The following SWT1 variants were observed in gnomAD, a reference collection of about 807,000 sequenced individuals.
SWT1 encodes the protein SWT1 RNA endoribonuclease homolog.
Under a neutral mutation model 107.3 loss-of-function variants are expected in SWT1, and 33 were observed. The observed-to-expected ratio is 0.31, with a 90% confidence interval of 0.23 to 0.41. The LOEUF is 0.41. SWT1 is among the 10% of genes least tolerant of loss of function. The probability of loss-of-function intolerance (pLI) is 1.00; values close to 1 mark genes in which losing one functional copy is unlikely to be tolerated. For missense variants in SWT1, 898 were observed against 1,028.9 expected (o/e 0.87, Z 1.74); for synonymous variants, 345 against 348.3 (o/e 0.99, Z 0.11).
At chr1:185,233,190 A>G (rs1405032070) in intron 16 of SWT1, among the ~76,000 whole-genome samples, 1 of 152,154 alleles carries the variant, frequency 6.6e-6, no homozygotes, top group African/African-American at 2.4e-5. Context: ...TCTCAGCCCT[A>G]GTGGCAGACT....
chr1:185,200,821 A>G (rs1382039671), intron 10 of SWT1, among the ~76,000 whole-genome samples: 6 of 152,150 alleles, frequency 3.9e-5, no homozygotes, highest in Admixed American at 1.3e-4. Context: ...GCAGGCAGGA[A>G]CGTTTAAGTC....
chr1:185,282,571 A>C (rs1460530154), intron 18 of SWT1, among the ~76,000 whole-genome samples: 1 of 152,140 alleles, frequency 6.6e-6, no homozygotes, highest in Non-Finnish European at 1.5e-5. Context: ...GAGCTGTCCT[A>C]GCAGACTACA....
chr1:185,157,909 C>G (rs1182843706), intron 1 of SWT1, among the ~76,000 whole-genome samples: 1 of 152,166 alleles, frequency 6.6e-6, no homozygotes, highest in East Asian at 1.9e-4. Flanking sequence ...CCCCTTCACT[C>G]TTAGTGCCTA....
chr1:185,200,439 C>T (rs760320845), intron 10 of SWT1, among the ~76,000 whole-genome samples: 10 of 152,082 alleles, frequency 6.6e-5, no homozygotes, highest in East Asian at 5.8e-4. Context: ...TCTGTGTGGA[C>T]GCCATTTTTG....
intron 16 of SWT1, among the ~76,000 whole-genome samples, chr1:185,248,984 G>GT (rs961330882): frequency 1.3e-5 from 2 of 152,078 alleles, no homozygotes; most frequent in Non-Finnish European, 2.9e-5. Flanking sequence ...CCAATTATTT[G>GT]TTTTTTGTAA....
At chr1:185,246,921 G>A (rs1009341776) in intron 16 of SWT1, among the ~76,000 whole-genome samples, 1 of 152,070 alleles carries the variant, frequency 6.6e-6, no homozygotes, top group African/African-American at 2.4e-5. Context: ...GAGCCACCAT[G>A]CCTGACCAGG....
intron 15 of SWT1, among the ~76,000 whole-genome samples, chr1:185,222,698 G>A (rs571144485): frequency 1.2e-3 from 178 of 149,140 alleles, no homozygotes; most frequent in Non-Finnish European, 2.1e-3. Context: ...CTGGAAGGTG[G>A]AGGTTGCGGT....
At position 185,204,824 on chromosome 1, in the gene SWT1, A is replaced by G; in HGVS notation, c.1794A>G (p.Glu598=). Residue 598 remains glutamate, a synonymous_variant, in exon 12 of 19, where the codon GAA becomes GAG. Transcript: ENST00000367500. ...SLGTGLSSIL[E]TEMKIAFGNL... is the part of the protein sequence containing the mutation. Reference sequence around the variant, plus strand: ...GAACAGGTTTATCTTCAATATTAGAAACAGAAATGAAAATTGCTTTTGGAA... The same window carrying G: ...GAACAGGTTTATCTTCAATATTAGAGACAGAAATGAAAATTGCTTTTGGAA... 1 of 1,585,256 alleles carries G rather than the reference A, an allele frequency of 6.3e-7. No individual in the cohort carries two copies.
chr1:185,206,588 A>C (rs767782796), intron 12 of SWT1, 37 bp from the exon 13 acceptor site: 1 of 1,295,078 alleles, frequency 7.7e-7, no homozygotes, highest in Admixed American at 2.7e-5. Flanking sequence ...GGAATAATAA[A>C]TCTAGAGATG....
chr1:185,171,663 T>C (rs146160289), intron 4 of SWT1: 2 of 523,456 alleles, frequency 3.8e-6, no homozygotes, highest in Admixed American at 2.0e-5. Flanking sequence ...AGAACCTGCT[T>C]CTTTTTTTTT....
At chr1:185,290,565 T>C (rs1027590490) in intron 18 of SWT1, 109 bp from the exon 19 acceptor site, 8 of 663,718 alleles carry the variant, frequency 1.2e-5, no homozygotes, top group African/African-American at 1.9e-5. Flanking sequence ...TTATACATAA[T>C]ATATATATAT....
At position 185,231,599 on chromosome 1, in the gene SWT1, G is replaced by A. The variant is rs140829619; in HGVS notation, c.2332G>A (p.Gly778Ser). Reference sequence around the variant, plus strand: ...TAGCACGGATGTATTTCAAAGATTGGGCTCAAATTCAGCTCTGACTACTTC... The same window carrying A: ...TAGCACGGATGTATTTCAAAGATTGAGCTCAAATTCAGCTCTGACTACTTC... The part of the protein sequence containing the change: ...QNSTDVFQRL[G>S]SNSALTTSNI... The change falls in exon 16 of 19, where the codon GGC (glycine) becomes AGC (serine). Residue 778 changes from glycine to serine, a missense_variant. Physicochemically the swap from Gly to Ser is moderately conservative, Grantham distance 56. This residue lies in a region of SWT1 where 382 missense variants were observed against 460.0 expected (regional missense o/e 0.83). Transcript: ENST00000367500. The A allele has an allele frequency of 6.2e-7, 1 of 1,608,998 alleles. No homozygotes were observed. Among genetic ancestry groups the A allele is most frequent in the Non-Finnish European group, 8.5e-7 (1 of 1,176,608 alleles).
intron 16 of SWT1, among the ~76,000 whole-genome samples, chr1:185,267,851 C>T (rs1663515051): frequency 1.3e-5 from 2 of 152,102 alleles, no homozygotes; most frequent in African/African-American, 4.8e-5. Context: ...TGTCTTCATA[C>T]TGTACAAGAA....
At chr1:185,234,511 C>T (rs750582008) in intron 16 of SWT1, among the ~76,000 whole-genome samples, 5 of 152,106 alleles carry the variant, frequency 3.3e-5, no homozygotes, top group African/African-American at 9.7e-5. Flanking sequence ...TGTCTTTGCA[C>T]ATGAGATGGG....
intron 16 of SWT1, among the ~76,000 whole-genome samples, chr1:185,234,632 T>G (rs1216409032): frequency 1.3e-5 from 2 of 152,200 alleles, no homozygotes; most frequent in African/African-American, 4.8e-5. Context: ...TATTGTTATG[T>G]GTGAATTTAA....
intron 13 of SWT1, among the ~76,000 whole-genome samples, chr1:185,213,204 G>A (rs1387395588): frequency 6.6e-6 from 1 of 152,078 alleles, no homozygotes; most frequent in Non-Finnish European, 1.5e-5. Flanking sequence ...ATGTTACATT[G>A]GAAAAGCACC....
rs191752690 is a variant in SWT1 at position 185,266,212 on chromosome 1, C to T, written c.2442-5111C>T. On this transcript the variant is annotated intron_variant, in intron 16 of 18. Coordinates refer to ENST00000367500, the MANE Select transcript of SWT1 (RefSeq NM_017673.7). The stretch of plus-strand genomic sequence containing the variant: ...CTGAATAGCTGGGACTACAGGCGCC[C>T]GCCACCACGCCCAGCTAATTTTTTT... Among the ~76,000 whole-genome samples the T allele has an allele frequency of 8.4e-3, 1,261 of 150,898 alleles. 7 individuals carry two copies. The highest frequency in any genetic ancestry group is 0.02 in the Middle Eastern group (6 of 294).
At chr1:185,283,603 A>G (rs1196923941) in intron 18 of SWT1, among the ~76,000 whole-genome samples, 2 of 152,118 alleles carry the variant, frequency 1.3e-5, no homozygotes, top group African/African-American at 4.8e-5. Flanking sequence ...AGTTTGTGAC[A>G]TCAGCCTCAA....
chr1:185,246,606 GT>G (rs1289144049), intron 16 of SWT1, among the ~76,000 whole-genome samples: 1 of 122,764 alleles, frequency 8.1e-6, no homozygotes, highest in Non-Finnish European at 1.7e-5. Flanking sequence ...TCTTAATTAT[GT>G]TCATATTTTG....
Sources: allele counts gnomAD v4.1 joint callset (sites outside exome capture counted in the v4.1 genomes callset), GRCh38; gene constraint gnomAD v4.1.1; regional missense constraint gnomAD v4.1.1; transcripts MANE v1.5; gene names NCBI Gene and HGNC (gene_info 2026-07-23, HGNC 2026-07-21).